The following ANK2 variants were observed in gnomAD, a reference collection of about 807,000 sequenced individuals.
ANK2 encodes ankyrin 2.
Under a neutral mutation model 360.5 loss-of-function variants are expected in ANK2, and 83 were observed. That is an observed-to-expected ratio of 0.23 (90% confidence interval 0.19 to 0.28). ANK2 has a LOEUF of 0.28. ANK2 is among the 10% of genes least tolerant of loss of function. The pLI is 1.00. For missense variants in ANK2, 4,201 were observed against 4,795.7 expected (o/e 0.88, Z 3.66); for synonymous variants, 1,740 against 1,759.5 (o/e 0.99, Z 0.28).
chr4:112,772,965 C>T, the ANK2 span, among the ~76,000 whole-genome samples: 2 of 152,094 alleles, frequency 1.3e-5, no homozygotes, highest in Non-Finnish European at 2.9e-5. Flanking sequence ...TGCATATGTA[C>T]CAACTGAGAA....
chr4:113,355,593 T>G lies in ANK2; in HGVS notation c.6975T>G (p.Asp2325Glu). The G allele has an allele frequency of 6.2e-7, 1 of 1,613,962 alleles. No homozygotes were observed. The highest frequency in any genetic ancestry group is 2.2e-5 in the East Asian group (1 of 44,848). The change falls in exon 38 of 46, where the codon GAT becomes GAG. Residue 2325 changes from aspartate to glutamate, a missense_variant. Asp to Glu is a conservative substitution (Grantham distance 45). Around this residue, in one of 4 missense-constraint regions of ANK2, gnomAD observed 2,642 missense variants for 2,714.5 expected, o/e 0.97. Transcript: ENST00000357077. ...SPKDTSPKRQ[D>E]DCTGSCSVAL... Reference sequence around the variant, plus strand: ...AAGACACAAGCCCTAAAAGACAAGATGATTGCACAGGCAGCTGTAGTGTAG... The same window carrying G: ...AAGACACAAGCCCTAAAAGACAAGAGGATTGCACAGGCAGCTGTAGTGTAG...
At chr4:113,141,021 T>C (rs1321087733) in intron 1 of ANK2, among the ~76,000 whole-genome samples, 1 of 151,498 alleles carries the variant, frequency 6.6e-6, no homozygotes, top group African/African-American at 2.4e-5. Flanking sequence ...TGAAGGAAAA[T>C]AAAACTAGCT....
chr4:113,263,137 G>A (rs1039591246), intron 13 of ANK2, among the ~76,000 whole-genome samples: 2 of 144,866 alleles, frequency 1.4e-5, no homozygotes, highest in South Asian at 2.2e-4. Flanking sequence ...GCAGTGAGCC[G>A]AGATCATGCC....
Position 113,193,360 on chromosome 4 carries a change from G to A in ANK2, c.187-3008G>A, listed in dbSNP as rs2098700775. On this transcript the variant is annotated intron_variant, in intron 2 of 45. Transcript: ENST00000357077. Reference sequence around the variant, plus strand: ...GTTAAATGTGTCTGACAAAGATGGCGCATTGTGTGCTTTGCTTTTCCTGAT... The same window carrying A: ...GTTAAATGTGTCTGACAAAGATGGCACATTGTGTGCTTTGCTTTTCCTGAT... 2.6e-5 allele frequency among the ~76,000 whole-genome samples: 4 copies of A among 152,258 alleles called. No homozygotes were observed. The South Asian group carries it at 8.3e-4, about 32-fold the overall frequency.
chr4:112,728,351 A>G, the ANK2 span, among the ~76,000 whole-genome samples: 2 of 151,736 alleles, frequency 1.3e-5, no homozygotes, highest in African/African-American at 2.4e-5. Context: ...TTGTGAAACT[A>G]CAATGGACAA....
chr4:113,127,760 G>A lies in ANK2; in HGVS notation c.85-46656G>A, dbSNP rs115515707. ...AGCAAAAAATAAGCAGGTATGGAAG[G>A]TTCCTGTGATGAAGAAAGACTATGA... On this transcript the variant is annotated intron_variant, in intron 1 of 45. Coordinates refer to ENST00000357077, the MANE Select transcript of ANK2 (RefSeq NM_001148.6). 6.8e-3 allele frequency among the ~76,000 whole-genome samples: 1,042 copies of A among 152,200 alleles called. 14 individuals carry two copies. Among genetic ancestry groups the A allele is most frequent in the African/African-American group, 0.024 (985 of 41,540 alleles).
chr4:112,916,132 A>G (rs556923257), intron 2 of ANK2, among the ~76,000 whole-genome samples: 150 of 152,332 alleles, frequency 9.8e-4, no homozygotes, highest in African/African-American at 3.5e-3. Context: ...AAACAGGACC[A>G]TTTACTTGTG....
At chr4:112,747,274 G>A in the ANK2 span, among the ~76,000 whole-genome samples, 1 of 152,196 alleles carries the variant, frequency 6.6e-6, no homozygotes, top group Non-Finnish European at 1.5e-5. Context: ...CCAGTGAGTG[G>A]CACTAATAAG....
intron 1 of ANK2, among the ~76,000 whole-genome samples, chr4:113,159,191 C>A (rs1016352882): frequency 7.0e-6 from 1 of 141,942 alleles, no homozygotes; most frequent in African/African-American, 2.7e-5. Flanking sequence ...CTCTTTCCTT[C>A]CACACACACA....
At chr4:113,040,355 G>A (rs533014250) in intron 2 of ANK2, among the ~76,000 whole-genome samples, 5 of 152,202 alleles carry the variant, frequency 3.3e-5, no homozygotes, top group African/African-American at 1.2e-4. Context: ...TGTTAAAATT[G>A]TATGTTATGA....
chr4:113,243,065 G>A (rs757759774), intron 9 of ANK2, among the ~76,000 whole-genome samples: 6 of 152,044 alleles, frequency 3.9e-5, no homozygotes, highest in African/African-American at 1.2e-4. Flanking sequence ...TATTACTGAC[G>A]TTATATAATA....
intron 1 of ANK2, among the ~76,000 whole-genome samples, chr4:113,112,511 T>C (rs959484937): frequency 1.3e-5 from 2 of 152,208 alleles, no homozygotes; most frequent in African/African-American, 4.8e-5. Context: ...CCCTTCCCTC[T>C]GCCCACTGCA....
intron 30 of ANK2, 142 bp downstream of exon 30, chr4:113,336,199 C>G (rs2153961327): frequency 1.1e-6 from 1 of 895,400 alleles, no homozygotes; most frequent in Middle Eastern, 3.4e-4. Context: ...AAGTCAAAAT[C>G]CATATTTATT....
At chr4:112,860,957 G>T (rs1167413805) in intron 1 of ANK2, among the ~76,000 whole-genome samples, 1 of 152,190 alleles carries the variant, frequency 6.6e-6, no homozygotes, top group African/African-American at 2.4e-5. Flanking sequence ...CTCAGGGAAG[G>T]TAGTTAAAGC....
chr4:112,867,886 C>T (rs1208717416), intron 1 of ANK2, among the ~76,000 whole-genome samples: 1 of 152,086 alleles, frequency 6.6e-6, no homozygotes, highest in African/African-American at 2.4e-5. Context: ...TTCATGTGGA[C>T]ATAACATTTT....
intron 1 of ANK2, among the ~76,000 whole-genome samples, chr4:112,841,564 T>G (rs926624589): frequency 2.0e-5 from 3 of 152,228 alleles, no homozygotes; most frequent in Non-Finnish European, 4.4e-5. Flanking sequence ...TGTGAGATGG[T>G]TCTCTCTTAT....
In ANK2 at chr4:113,358,150, G is replaced by A; in HGVS notation, c.9532G>A (p.Glu3178Lys). The change falls in exon 38 of 46, where the codon GAG (glutamate) becomes AAG (lysine). Residue 3178 changes from glutamate (E) to lysine (K), a missense_variant. Coordinates refer to ENST00000357077, the MANE Select transcript of ANK2 (RefSeq NM_001148.6). ...AGAATCAAAAGAAACAGTGGATGAT[G>A]AGGCAGACTTACTTCCAGATGACGT... is the stretch of plus-strand genomic sequence containing the variant. ...LSESKETVDD[E>K]ADLLPDDVSE... The A allele has an allele frequency of 6.2e-7, 1 of 1,614,078 alleles. No homozygotes were observed. Among genetic ancestry groups the A allele is most frequent in the Non-Finnish European group, 8.5e-7 (1 of 1,179,968 alleles).
chr4:112,754,525 C>T, the ANK2 span, among the ~76,000 whole-genome samples: 1 of 121,084 alleles, frequency 8.3e-6, no homozygotes, highest in Non-Finnish European at 1.7e-5. Flanking sequence ...TTTGGGGGGG[C>T]GTGTATTATG....
intron 1 of ANK2, among the ~76,000 whole-genome samples, chr4:112,891,892 T>C (rs1028384768): frequency 3.3e-5 from 5 of 152,206 alleles, no homozygotes; most frequent in Admixed American, 1.3e-4. Flanking sequence ...AGCATAGTTT[T>C]CTGAAAGCGT....
Sources: allele counts gnomAD v4.1 joint callset (sites outside exome capture counted in the v4.1 genomes callset), GRCh38; gene constraint gnomAD v4.1.1; regional missense constraint gnomAD v4.1.1; transcripts MANE v1.5; gene names NCBI Gene and HGNC (gene_info 2026-07-23, HGNC 2026-07-21).